Variants in AGBL1 observed in about 807,000 individuals in gnomAD.
AGBL1 encodes the protein cytosolic carboxypeptidase 4.
AGBL1 carries 130 observed loss-of-function variants against 118.9 expected under a neutral mutation model. That is an observed-to-expected ratio of 1.09 (90% confidence interval 0.95 to 1.26). AGBL1 has a LOEUF of 1.26. Ranked by LOEUF, AGBL1 falls within the 50% of genes most tolerant of loss-of-function variation. The probability of loss-of-function intolerance (pLI) is 0.00; values close to 1 mark genes in which losing one functional copy is unlikely to be tolerated. For missense variants in AGBL1, 1,584 were observed against 1,298.1 expected, an observed-to-expected ratio of 1.22 and a Z score of -3.38; for synonymous variants, 555 against 478.9, an observed-to-expected ratio of 1.16 and a Z score of -2.08.
chr15:86,672,411 G>T (rs2085762511), intron 21 of AGBL1, among the ~76,000 whole-genome samples: 1 of 152,198 alleles, frequency 6.6e-6, no homozygotes, highest in Admixed American at 6.5e-5. Flanking sequence ...ATACTGTGAG[G>T]TTTATTTTCC....
chr15:86,991,158 A>G (rs1007555975), intron 24 of AGBL1, among the ~76,000 whole-genome samples: 1 of 152,244 alleles, frequency 6.6e-6, no homozygotes, highest in African/African-American at 2.4e-5. Flanking sequence ...GTCTTCTCCC[A>G]TGATCAGTCC....
chr15:86,332,718 C>T (rs1172191253), intron 17 of AGBL1, among the ~76,000 whole-genome samples: 1 of 151,218 alleles, frequency 6.6e-6, no homozygotes, highest in East Asian at 2.0e-4. Context: ...TAGATGTCTA[C>T]AGAATACTCC....
At chr15:86,598,412 C>T (rs372194419) in intron 21 of AGBL1, among the ~76,000 whole-genome samples, 9 of 152,218 alleles carry the variant, frequency 5.9e-5, no homozygotes, top group Middle Eastern at 3.4e-3. Flanking sequence ...ATCTAAGTAG[C>T]TTTTTCCTTA....
chr15:86,516,737 G>A (rs1311056607), intron 18 of AGBL1, among the ~76,000 whole-genome samples: 6 of 150,082 alleles, frequency 4.0e-5, no homozygotes, highest in Non-Finnish European at 5.9e-5. Flanking sequence ...GGAGGCGGAG[G>A]TTGCAGTGAG....
At chr15:86,140,300 T>C (rs2076945787) in intron 1 of AGBL1, 1 of 151,712 alleles carries the variant, frequency 6.6e-6, no homozygotes, top group South Asian at 2.1e-4. Context: ...CAGGTGGCCC[T>C]GGCTGGGATT....
intron 21 of AGBL1, among the ~76,000 whole-genome samples, chr15:86,560,259 T>C (rs1003137941): frequency 1.3e-5 from 2 of 152,022 alleles, no homozygotes; most frequent in African/African-American, 2.4e-5. Flanking sequence ...TCATTTACAA[T>C]AGGGATATCT....
chr15:86,987,855 C>A, intron 23 of AGBL1: 1 of 909,080 alleles, frequency 1.1e-6, no homozygotes, highest in African/African-American at 1.7e-5. Flanking sequence ...TTGCTGGTAT[C>A]TTACTATATA....
intron 22 of AGBL1, among the ~76,000 whole-genome samples, chr15:86,677,843 A>G (rs957338756): frequency 6.6e-6 from 1 of 152,138 alleles, no homozygotes; most frequent in Non-Finnish European, 1.5e-5. Context: ...CTTGATTTTC[A>G]TTTGTAAAAG....
chr15:86,819,726 T>C (rs902503315), intron 22 of AGBL1, among the ~76,000 whole-genome samples: 8 of 152,254 alleles, frequency 5.3e-5, no homozygotes, highest in African/African-American at 1.9e-4. Flanking sequence ...CCCAAAGTAA[T>C]TTATAGATTC....
At chr15:86,741,972 C>T (rs928303955) in intron 22 of AGBL1, among the ~76,000 whole-genome samples, 2 of 145,004 alleles carry the variant, frequency 1.4e-5, no homozygotes, top group Non-Finnish European at 3.0e-5. Flanking sequence ...TCTTTATCCA[C>T]TGGAGTTTTT....
chr15:86,587,487 TG>T (rs2084268536), intron 21 of AGBL1, among the ~76,000 whole-genome samples: 1 of 152,138 alleles, frequency 6.6e-6, no homozygotes, highest in Admixed American at 6.6e-5. Flanking sequence ...GGGCTTGTGT[TG>T]GCTACGGTTT....
At chr15:86,540,297 A>C in intron 19 of AGBL1, among the ~76,000 whole-genome samples, 1 of 152,326 alleles carries the variant, frequency 6.6e-6, no homozygotes, top group East Asian at 1.9e-4. Context: ...ATAAACAACA[A>C]GATAGGGCTA....
intron 22 of AGBL1, among the ~76,000 whole-genome samples, chr15:86,694,903 T>A (rs1217614843): frequency 2.6e-5 from 4 of 152,224 alleles, no homozygotes; most frequent in South Asian, 2.1e-4. Context: ...CATTTATTGC[T>A]TTGCATATAT....
intron 18 of AGBL1, among the ~76,000 whole-genome samples, chr15:86,432,614 C>CT (rs1335143401): frequency 6.6e-6 from 1 of 152,158 alleles, no homozygotes; most frequent in Non-Finnish European, 1.5e-5. Flanking sequence ...TAGAGTTACT[C>CT]TTTTTCCCTC....
intron 24 of AGBL1, among the ~76,000 whole-genome samples, chr15:86,999,449 C>T (rs2081413047): frequency 6.8e-6 from 1 of 147,774 alleles, no homozygotes. Context: ...TCAGTTCCCA[C>T]CTATGAGTGA....
At chr15:86,190,481 T>A (rs1419051167) in intron 5 of AGBL1, among the ~76,000 whole-genome samples, 1 of 152,198 alleles carries the variant, frequency 6.6e-6, no homozygotes, top group Non-Finnish European at 1.5e-5. Context: ...CTATAATTTT[T>A]TAAAAATTAT....
At chr15:86,529,507 G>T (rs919910874) in intron 19 of AGBL1, among the ~76,000 whole-genome samples, 13 of 134,758 alleles carry the variant, frequency 9.6e-5, no homozygotes, top group Non-Finnish European at 1.6e-4. Flanking sequence ...GTGATGCGGA[G>T]AATGGAACCA....
At chr15:86,345,586 A>G (rs1207195772) in intron 17 of AGBL1, among the ~76,000 whole-genome samples, 2 of 152,228 alleles carry the variant, frequency 1.3e-5, no homozygotes, top group Non-Finnish European at 2.9e-5. Flanking sequence ...TGAGACTTGA[A>G]GGATGACCAG....
At chr15:86,559,539 C>T (rs575824356) in intron 21 of AGBL1, among the ~76,000 whole-genome samples, 2 of 152,226 alleles carry the variant, frequency 1.3e-5, no homozygotes, top group Non-Finnish European at 2.9e-5. Flanking sequence ...AAGGCTGCTC[C>T]AGTATTATAA....
Sources: allele counts gnomAD v4.1 joint callset (sites outside exome capture counted in the v4.1 genomes callset), GRCh38; gene constraint gnomAD v4.1.1; transcripts MANE v1.5; gene names NCBI Gene and HGNC (gene_info 2026-07-23, HGNC 2026-07-21).